Variants in PARD3 observed in about 807,000 individuals in gnomAD.
PARD3 encodes the protein partitioning defective 3 homolog.
A neutral mutation model predicts 155.4 loss-of-function variants in PARD3; 75 were observed. The observed-to-expected ratio is 0.48, with a 90% confidence interval of 0.40 to 0.58. The LOEUF is 0.58. Ranked by LOEUF, PARD3 falls within the 20% of genes least tolerant of loss-of-function variation. PARD3 has a pLI of 0.00. For missense variants in PARD3, 1,642 were observed against 1,721.7 expected (o/e 0.95, Z 0.82); for synonymous variants, 576 against 610.5 (o/e 0.94, Z 0.83).
chr10:34,686,033 A>G (rs1021114373), intron 2 of PARD3, among the ~76,000 whole-genome samples: 10 of 152,230 alleles, frequency 6.6e-5, no homozygotes, highest in Admixed American at 2.0e-4. Context: ...TTAATTTCAC[A>G]TGTTTAGTAA....
intron 22 of PARD3, among the ~76,000 whole-genome samples, chr10:34,169,312 C>T (rs529614158): frequency 7.9e-4 from 121 of 152,244 alleles, no homozygotes; most frequent in African/African-American, 2.9e-3. Flanking sequence ...GAATAAGTTC[C>T]GTTTTCCATG....
intron 13 of PARD3, 45 bp from the exon 14 acceptor site, chr10:34,359,362 T>C: frequency 7.3e-7 from 1 of 1,369,884 alleles, no homozygotes; most frequent in Non-Finnish European, 1.0e-6. Context: ...AACAGACTGC[T>C]ATAAAAGAAG....
At chr10:34,556,480 T>G (rs938571408) in intron 2 of PARD3, among the ~76,000 whole-genome samples, 2 of 151,814 alleles carry the variant, frequency 1.3e-5, no homozygotes, top group African/African-American at 4.8e-5. Flanking sequence ...CCTCCCAGGT[T>G]CACGCCATTC....
At chr10:34,317,084 G>C (rs1263259661) in intron 20 of PARD3, 23 bp downstream of exon 20, 2 of 1,533,476 alleles carry the variant, frequency 1.3e-6, no homozygotes, top group Non-Finnish European at 1.8e-6. Flanking sequence ...AGGAGATTCT[G>C]GTTTGGGATG....
rs548410545 is a variant in PARD3, at chr10:34,144,765, T to C, written c.3420-13182A>G. The stretch of plus-strand genomic sequence containing the variant: ...CTTCCCAATATAATTATAGCAAAAT[T>C]TATATGAAAATGATTTTACAATCTG... On this transcript the variant is annotated intron_variant, in intron 22 of 24. Transcript: ENST00000374788. Among the ~76,000 whole-genome samples, 18 of 152,254 alleles carry C rather than the reference T, an allele frequency of 1.2e-4. No individual in the cohort carries two copies. The East Asian group carries it at 3.5e-3, about 29-fold the overall frequency.
intron 22 of PARD3, 114 bp downstream of exon 22, chr10:34,269,543 G>A (rs1955509714): frequency 8.9e-7 from 1 of 1,121,752 alleles, no homozygotes; most frequent in African/African-American, 1.6e-5. Context: ...GCTTTTTAAA[G>A]GCCATTAATA....
intron 4 of PARD3, among the ~76,000 whole-genome samples, chr10:34,466,159 C>T (rs1275500589): frequency 2.6e-5 from 4 of 152,126 alleles, no homozygotes; most frequent in Non-Finnish European, 5.9e-5. Flanking sequence ...TTTCAAATAA[C>T]TTTGAAAAAA....
At chr10:34,339,615 A>C (rs1836579617) in intron 16 of PARD3, among the ~76,000 whole-genome samples, 1 of 152,206 alleles carries the variant, frequency 6.6e-6, no homozygotes, top group Admixed American at 6.5e-5. Flanking sequence ...ACACATTATT[A>C]ATGTTCTCTC....
intron 1 of PARD3, among the ~76,000 whole-genome samples, chr10:34,796,239 T>C (rs1185766955): frequency 1.3e-5 from 2 of 152,020 alleles, no homozygotes; most frequent in East Asian, 3.9e-4. Context: ...AAACACCAGA[T>C]ATATGAATGG....
At chr10:34,345,327 C>G in intron 15 of PARD3, 1 of 985,350 alleles carries the variant, frequency 1.0e-6, no homozygotes, top group African/African-American at 1.7e-5. Context: ...CATCACAAAG[C>G]CTCAAAGCTC....
At chr10:34,557,084 A>G (rs1464365016) in intron 2 of PARD3, among the ~76,000 whole-genome samples, 1 of 152,178 alleles carries the variant, frequency 6.6e-6, no homozygotes. Flanking sequence ...CCCTGCAGAG[A>G]GGAATGTCAA....
intron 19 of PARD3, among the ~76,000 whole-genome samples, chr10:34,319,194 T>C (rs911198225): frequency 2.0e-5 from 3 of 151,666 alleles, no homozygotes; most frequent in African/African-American, 7.3e-5. Flanking sequence ...GTTCATGTGA[T>C]TCTCCTGCCT....
chr10:34,444,508 C>T (rs766598585), intron 5 of PARD3, among the ~76,000 whole-genome samples: 7 of 151,996 alleles, frequency 4.6e-5, no homozygotes, highest in South Asian at 2.1e-4. Flanking sequence ...GTTTTTTGTT[C>T]GTTTGTTTCT....
intron 20 of PARD3, among the ~76,000 whole-genome samples, chr10:34,301,818 C>CTTTTTTTTTTTTTTTTT (rs5784408): frequency 7.9e-6 from 1 of 125,870 alleles, no homozygotes; most frequent in Non-Finnish European, 1.6e-5. Context: ...TTTCTCCTTT[C>CTTTTTTTTTTTTTTTTT]TTTTTTTTTT....
intron 22 of PARD3, among the ~76,000 whole-genome samples, chr10:34,189,144 C>A (rs906329508): frequency 3.3e-5 from 5 of 151,954 alleles, no homozygotes; most frequent in African/African-American, 1.2e-4. Context: ...CAAGCCTGGG[C>A]AACATAGAAA....
At chr10:34,347,646 T>C (rs751112350) in intron 15 of PARD3, among the ~76,000 whole-genome samples, 2 of 152,224 alleles carry the variant, frequency 1.3e-5, no homozygotes, top group Non-Finnish European at 2.9e-5. Context: ...TTTTTAAACA[T>C]AGCTTCACAT....
intron 1 of PARD3, among the ~76,000 whole-genome samples, chr10:34,746,442 C>G (rs1043285850): frequency 6.6e-6 from 1 of 152,036 alleles, no homozygotes; most frequent in Non-Finnish European, 1.5e-5. Context: ...AGTAAGACCT[C>G]GTCTCTAAAT....
At chr10:34,609,107 T>TAGG (rs1456477666) in intron 2 of PARD3, among the ~76,000 whole-genome samples, 7 of 152,212 alleles carry the variant, frequency 4.6e-5, no homozygotes, top group African/African-American at 1.7e-4. Context: ...AAGTCATTCA[T>TAGG]AATTCGACTA....
intron 2 of PARD3, among the ~76,000 whole-genome samples, chr10:34,606,775 C>G (rs1234768087): frequency 6.6e-6 from 1 of 151,614 alleles, no homozygotes; most frequent in East Asian, 1.9e-4. Context: ...CGAGACCATC[C>G]TGCCAACATT....
Sources: allele counts gnomAD v4.1 joint callset (sites outside exome capture counted in the v4.1 genomes callset), GRCh38; gene constraint gnomAD v4.1.1; transcripts MANE v1.5; gene names NCBI Gene and HGNC (gene_info 2026-07-23, HGNC 2026-07-21).